SORCS3: variants seen among roughly 807,000 people sequenced by gnomAD.
SORCS3 encodes sortilin related VPS10 domain containing receptor 3.
Under a neutral mutation model 146.3 loss-of-function variants are expected in SORCS3, and 57 were observed. The observed-to-expected ratio is 0.39, with a 90% confidence interval of 0.31 to 0.49. The LOEUF is 0.49. SORCS3 is among the 20% of genes least tolerant of loss of function. The pLI is 0.92. For synonymous variants in SORCS3, 653 were observed against 618.5 expected, an observed-to-expected ratio of 1.06 and a Z score of -0.83; for missense variants, 1,341 against 1,575.5, an observed-to-expected ratio of 0.85 and a Z score of 2.52.
At chr10:105,081,503 T>C (rs2055625101) in intron 5 of SORCS3, among the ~76,000 whole-genome samples, 1 of 152,164 alleles carries the variant, frequency 6.6e-6, no homozygotes, top group African/African-American at 2.4e-5. Context: ...AGCGTCCAGC[T>C]CTCTTGAGGA....
chr10:105,194,715 C>T (rs2056534949), intron 14 of SORCS3, among the ~76,000 whole-genome samples: 1 of 152,112 alleles, frequency 6.6e-6, no homozygotes, highest in South Asian at 2.1e-4. Flanking sequence ...AAAGTATCCC[C>T]AGGCTTAAGA....
chr10:104,959,045 C>G (rs2054773645), intron 3 of SORCS3, among the ~76,000 whole-genome samples: 1 of 152,096 alleles, frequency 6.6e-6, no homozygotes. Flanking sequence ...CAAACCATAT[C>G]ACTCCCCTAG....
intron 3 of SORCS3, among the ~76,000 whole-genome samples, chr10:104,917,395 A>C (rs1282124529): frequency 6.6e-6 from 1 of 152,250 alleles, no homozygotes. Context: ...GTATGTGTTT[A>C]TATTGTACAA....
At chr10:105,080,498 T>A (rs1160090329) in intron 5 of SORCS3, among the ~76,000 whole-genome samples, 1 of 152,196 alleles carries the variant, frequency 6.6e-6, no homozygotes, top group Non-Finnish European at 1.5e-5. Flanking sequence ...GTTGTCTGTT[T>A]ATTCTATTGA....
chr10:104,717,692 T>G (rs2016496153), intron 1 of SORCS3, among the ~76,000 whole-genome samples: 1 of 152,190 alleles, frequency 6.6e-6, no homozygotes, highest in African/African-American at 2.4e-5. Context: ...GGAAAACAAT[T>G]ACAGCAGAAA....
At chr10:104,757,008 T>C (rs1019673907) in intron 1 of SORCS3, among the ~76,000 whole-genome samples, 3 of 151,812 alleles carry the variant, frequency 2.0e-5, no homozygotes, top group African/African-American at 7.3e-5. Flanking sequence ...ACAACCATTA[T>C]CTCCTTGGAC....
Position 104,715,451 on chromosome 10 carries a change from A to G in SORCS3, c.627+73497A>G, listed in dbSNP as rs527329012. On this transcript the variant is annotated intron_variant, in intron 1 of 26. Coordinates refer to ENST00000369701, the MANE Select transcript of SORCS3 (RefSeq NM_014978.3). The stretch of plus-strand genomic sequence containing the variant: ...CCATCAGACTTGGACTGAATTACCT[A>G]TTGGCTTTCCTGGTTCTTCATCTTG... Among the ~76,000 whole-genome samples, 29 of 152,248 alleles carry G rather than the reference A, an allele frequency of 1.9e-4. 1 individual carries two copies. Among genetic ancestry groups the G allele is most frequent in the African/African-American group, 5.1e-4 (21 of 41,564 alleles).
chr10:104,973,767 A>G (rs1368425179), intron 3 of SORCS3, among the ~76,000 whole-genome samples: 10 of 145,132 alleles, frequency 6.9e-5, no homozygotes, highest in African/African-American at 2.8e-4. Context: ...TTGCTTTTCT[A>G]GTTCTTTTAA....
At chr10:105,086,157 C>A (rs1438273224) in intron 5 of SORCS3, among the ~76,000 whole-genome samples, 3 of 152,164 alleles carry the variant, frequency 2.0e-5, no homozygotes, top group Non-Finnish European at 4.4e-5. Context: ...CACCTGATCA[C>A]CATAGCCAAG....
At chr10:105,201,031 T>C in intron 15 of SORCS3, 89 bp from the exon 16 acceptor site, 1 of 1,419,838 alleles carries the variant, frequency 7.0e-7, no homozygotes. Flanking sequence ...TAAATGAGAA[T>C]GAACAGGCTA....
chr10:105,157,336 G>A (rs1277667565), intron 10 of SORCS3, 52 bp downstream of exon 10: 2 of 1,603,376 alleles, frequency 1.2e-6, no homozygotes, highest in African/African-American at 1.3e-5. Context: ...GCCACCTGCA[G>A]AAGCTGTGTC....
At chr10:105,148,915 C>T (rs1026073437) in intron 9 of SORCS3, among the ~76,000 whole-genome samples, 2 of 152,068 alleles carry the variant, frequency 1.3e-5, no homozygotes, top group Non-Finnish European at 2.9e-5. Flanking sequence ...AGGGAGGGAC[C>T]TAGTGGGAGG....
intron 14 of SORCS3, among the ~76,000 whole-genome samples, chr10:105,186,188 A>G (rs566610757): frequency 2.4e-4 from 37 of 152,318 alleles, no homozygotes; most frequent in African/African-American, 8.2e-4. Flanking sequence ...ATCACAAATA[A>G]TGCACTCTTA....
chr10:104,648,785 G>T (rs1051536852), intron 1 of SORCS3, among the ~76,000 whole-genome samples: 2 of 152,156 alleles, frequency 1.3e-5, no homozygotes, highest in Non-Finnish European at 2.9e-5. Flanking sequence ...ACTAATAAAT[G>T]TTCTATAGTA....
chr10:104,868,921 T>C (rs2018488134), intron 2 of SORCS3, among the ~76,000 whole-genome samples: 1 of 152,198 alleles, frequency 6.6e-6, no homozygotes, highest in Admixed American at 6.5e-5. Context: ...TTTTCATGTT[T>C]CTATTACCAG....
rs1465855851 is a variant in SORCS3, at chr10:105,086,986, ATGCCT to A, written c.1029-2788_1029-2784del. On this transcript the variant is annotated intron_variant, in intron 5 of 26. Coordinates refer to ENST00000369701, the MANE Select transcript of SORCS3 (RefSeq NM_014978.3). ...TGTTTTAGTCATGAAGTCTTTGCCC[ATGCCT>A]ATGTCCTGGCCCATGCCTATGTCCT... 4.3e-4 allele frequency among the ~76,000 whole-genome samples: 14 copies of A among 32,938 alleles called. No individual in the cohort carries two copies. In the East Asian group the frequency reaches 5.6e-3, roughly 13 times the overall value. The allele number at this position is 32,938 out of a possible 152,430, so 21.6% of individuals were successfully genotyped here. A position where few individuals can be genotyped will look rare whatever the true frequency, so the allele number is the denominator to read the frequency against.
Position 105,263,430 on chromosome 10 carries a change from T to G in SORCS3, c.*56T>G. The G allele has an allele frequency of 1.3e-6, 2 of 1,483,252 alleles. No individual in the cohort carries two copies. The highest frequency in any genetic ancestry group is 1.9e-6 in the Non-Finnish European group (2 of 1,068,900). The allele number at this position is 1,483,252 out of a possible 1,614,324, so 91.9% of individuals were successfully genotyped here. Reference sequence around the variant, plus strand: ...CTGACTTTTTATTTTTGATGATTACTATTACTATTATTATGGAAAAATTAA... The same window carrying G: ...CTGACTTTTTATTTTTGATGATTACGATTACTATTATTATGGAAAAATTAA... On this transcript the variant is annotated 3_prime_UTR_variant, in exon 27 of 27. Transcript: ENST00000369701.
intron 1 of SORCS3, among the ~76,000 whole-genome samples, chr10:104,811,849 C>T (rs914750077): frequency 6.6e-6 from 1 of 152,128 alleles, no homozygotes; most frequent in African/African-American, 2.4e-5. Context: ...AAAGGAATGG[C>T]CTGCCAAGAG....
chr10:104,916,565 TCTA>T (rs1398405019), intron 3 of SORCS3, among the ~76,000 whole-genome samples: 4 of 152,128 alleles, frequency 2.6e-5, no homozygotes, highest in African/African-American at 9.7e-5. Flanking sequence ...GCCATGGAAA[TCTA>T]CTGAGAGGAG....
Sources: gnomAD v4.1 joint callset for allele counts (sites outside exome capture counted in the v4.1 genomes callset) on GRCh38, gnomAD v4.1.1 for gene constraint, MANE v1.5 for transcripts, NCBI Gene and HGNC (gene_info 2026-07-23, HGNC 2026-07-21) for gene names.